EFHD2: variants seen among roughly 807,000 people sequenced by gnomAD.
The protein encoded by EFHD2 is EF-hand domain family member D2.
A neutral mutation model predicts 20.3 loss-of-function variants in EFHD2; 12 were observed. That is an observed-to-expected ratio of 0.59 (90% CI 0.38 to 0.96). The LOEUF (loss-of-function observed/expected upper bound fraction) is 0.96. EFHD2 is among the 40% of genes least tolerant of loss of function. EFHD2 has a pLI of 0.00. For synonymous variants in EFHD2, 131 were observed against 143.9 expected (o/e 0.91, Z 0.64); for missense variants, 250 against 334.3 (o/e 0.75, Z 1.97).
chr1:15,428,544 C>T, intron 3 of EFHD2, 49 bp from the exon 4 acceptor site: 1 of 1,584,556 alleles, frequency 6.3e-7, no homozygotes, highest in Non-Finnish European at 8.6e-7. Flanking sequence ...CAGAGAACCC[C>T]CAACATACAC....
rs117544158 is a variant in EFHD2, at chr1:15,412,383, C to T, written c.308+2104C>T. 2.8e-4 allele frequency among the ~76,000 whole-genome samples: 43 copies of T among 152,278 alleles called. No individual in the cohort carries two copies. In the East Asian group the frequency reaches 7.0e-3, roughly 25 times the overall value. On this transcript the variant is annotated intron_variant, in intron 1 of 3. Coordinates refer to ENST00000375980, the MANE Select transcript of EFHD2 (RefSeq NM_024329.6). ...CCCTGTGACACAGAGCTCTTCGTCACCTTTGTGCAGACAAAGGGTGTTAAA... is the reference window on the plus strand; with the variant it reads ...CCCTGTGACACAGAGCTCTTCGTCATCTTTGTGCAGACAAAGGGTGTTAAA...
intron 1 of EFHD2, among the ~76,000 whole-genome samples, chr1:15,414,054 C>T (rs1177094664): frequency 2.0e-5 from 3 of 152,180 alleles, no homozygotes; most frequent in African/African-American, 4.8e-5. Flanking sequence ...AACAGCCTAG[C>T]GGGGGCTCTG....
chr1:15,409,899 AG>A lies in EFHD2; in HGVS notation c.-72del. The A allele has an allele frequency of 8.4e-7, 1 of 1,186,304 alleles. No homozygotes were observed. The highest frequency in any genetic ancestry group is 1.0e-6 in the Non-Finnish European group (1 of 959,354). The allele number at this position is 1,186,304 out of a possible 1,614,324, so 73.5% of individuals were successfully genotyped here. On this transcript the variant is annotated 5_prime_UTR_variant, in exon 1 of 4. Transcript: ENST00000375980. ...GTGCCTGGCCCGGGGAGTGTCAGGA[AG>A]AGGAAGAGCGCGGCCGGCGGCGCTG... is the stretch of plus-strand genomic sequence containing the variant.
At chr1:15,425,634 G>T (rs546511200) in intron 1 of EFHD2, among the ~76,000 whole-genome samples, 1 of 152,032 alleles carries the variant, frequency 6.6e-6, no homozygotes, top group African/African-American at 2.4e-5. Context: ...AAAAGTTAGC[G>T]CTATTCGACA....
intron 1 of EFHD2, among the ~76,000 whole-genome samples, chr1:15,411,934 C>T (rs2103269127): frequency 6.6e-6 from 1 of 152,254 alleles, no homozygotes; most frequent in South Asian, 2.1e-4. Context: ...CTGCATTTGG[C>T]CCCAAGGCAG....
intron 1 of EFHD2, among the ~76,000 whole-genome samples, chr1:15,414,163 C>T (rs1040585576): frequency 1.3e-5 from 2 of 152,222 alleles, no homozygotes; most frequent in East Asian, 3.8e-4. Flanking sequence ...CCCTGTCTCC[C>T]GCCTAGCACA....
intron 1 of EFHD2, among the ~76,000 whole-genome samples, chr1:15,419,610 C>G (rs1707753800): frequency 6.6e-6 from 1 of 152,244 alleles, no homozygotes; most frequent in Admixed American, 6.5e-5. Context: ...AGTCACTGCC[C>G]ACTGTGGGCC....
Position 15,426,496 on chromosome 1 carries a change from A to G in EFHD2, c.456+478A>G, listed in dbSNP as rs1284266266. Among the ~76,000 whole-genome samples, 1 of 152,096 alleles carries G rather than the reference A, an allele frequency of 6.6e-6. No individual in the cohort carries two copies. On this transcript the variant is annotated intron_variant, in intron 2 of 3. Coordinates refer to ENST00000375980, the MANE Select transcript of EFHD2 (RefSeq NM_024329.6). The surrounding 1 kb of genome is among the most constrained non-coding windows in gnomAD (Gnocchi z 4.6). ...TCGCAGGGAAGGAAATGGAGGCCCA[A>G]GCCAGACAGCGATGATACTGGACCC... is the stretch of plus-strand genomic sequence containing the variant.
chr1:15,427,292 GC>G lies in EFHD2; in HGVS notation c.591+11del, dbSNP rs1410694147. The G allele has an allele frequency of 6.2e-7, 1 of 1,603,108 alleles. No homozygotes were observed. The highest frequency in any genetic ancestry group is 1.3e-5 in the African/African-American group (1 of 74,990). ...AGCTTCTTTGAGGCCAAGGTGAGGAGCCCAAGGGGTGCCCTGACCCACGCTC... is the reference window on the plus strand; with the variant it reads ...AGCTTCTTTGAGGCCAAGGTGAGGAGCCAAGGGGTGCCCTGACCCACGCTC... On this transcript the variant is annotated intron_variant, in intron 3 of 3. Transcript: ENST00000375980.
In EFHD2 at chr1:15,413,192, G is replaced by A. The variant is rs1200539294; in HGVS notation, c.308+2913G>A. On this transcript the variant is annotated intron_variant, in intron 1 of 3. Transcript: ENST00000375980. This position sits in a 1 kb window ranked among gnomAD's most constrained non-coding sequence, Gnocchi z 4.4. ...GCCAGGGCATCAGAGCCAGGGCTCT[G>A]GGGAGAGCAGAGGGCAGAGAGGAGG... Among the ~76,000 whole-genome samples the A allele has an allele frequency of 6.6e-6, 1 of 152,168 alleles. No homozygotes were observed. Among genetic ancestry groups the A allele is most frequent in the African/African-American group, 2.4e-5 (1 of 41,440 alleles).
At chr1:15,418,997 C>T (rs1557499321) in intron 1 of EFHD2, among the ~76,000 whole-genome samples, 1 of 152,278 alleles carries the variant, frequency 6.6e-6, no homozygotes, top group Non-Finnish European at 1.5e-5. Context: ...TGGCACATAG[C>T]AAGTGCTCAG....
rs573694208 is a variant in EFHD2, at chr1:15,428,888, G to A, written c.*164G>A. On this transcript the variant is annotated 3_prime_UTR_variant, in exon 4 of 4. Transcript: ENST00000375980. ...TTCAGGGGTCTTATGGAGGTGGCCC[G>A]GCCCCTCCCCGCTCCCTTCCACTCT... The A allele has an allele frequency of 4.9e-5, 53 of 1,086,042 alleles. No individual in the cohort carries two copies. The highest frequency in any genetic ancestry group is 4.1e-4 in the African/African-American group (26 of 63,064). The allele number at this position is 1,086,042 out of a possible 1,614,324, so 67.3% of individuals were successfully genotyped here.
chr1:15,422,465 A>G (rs1160575007), intron 1 of EFHD2, among the ~76,000 whole-genome samples: 1 of 151,208 alleles, frequency 6.6e-6, no homozygotes, highest in East Asian at 2.0e-4. Context: ...ACCAGATGCC[A>G]CTGGCATCCC....
chr1:15,427,199 G>C lies in EFHD2; in HGVS notation c.506G>C (p.Ser169Thr). Residue 169 changes from serine to threonine, a missense_variant, in exon 3 of 4, where the codon AGC (serine) becomes ACC (threonine). By Grantham distance (58) the Ser-to-Thr change is moderately conservative. This residue lies in a region of EFHD2 where 100 missense variants were observed against 116.2 expected (regional missense o/e 0.86). Transcript: ENST00000375980. ...GCGGCCGGGGAGCTTCAGGAGGACA[G>C]CGGGCTGTGCGTGCTGGCCCGCCTC... is the stretch of plus-strand genomic sequence containing the variant. ...KAAAGELQED[S>T]GLCVLARLSE... 1 of 1,606,306 alleles carries C rather than the reference G, an allele frequency of 6.2e-7. No homozygotes were observed. Among genetic ancestry groups the C allele is most frequent in the Non-Finnish European group, 8.5e-7 (1 of 1,177,036 alleles).
Position 15,429,132 on chromosome 1 carries a change from C to T in EFHD2, c.*408C>T, listed in dbSNP as rs1472123642. ...GAACCCCTGCCCTCCTCCAGCAGGC[C>T]GCACCGCCCCTGGGGCCCCCTGCCA... On this transcript the variant is annotated 3_prime_UTR_variant, in exon 4 of 4. Transcript: ENST00000375980. 6 of 201,566 alleles carry T rather than the reference C, an allele frequency of 3.0e-5. No homozygotes were observed. Among genetic ancestry groups the T allele is most frequent in the Non-Finnish European group, 5.1e-5 (5 of 97,722 alleles). 12.5% of individuals were successfully genotyped at this position (201,566 alleles called of 1,614,324 possible).
chr1:15,424,645 C>T, intron 1 of EFHD2, among the ~76,000 whole-genome samples: 1 of 152,260 alleles, frequency 6.6e-6, no homozygotes. Flanking sequence ...CCACCTGGCC[C>T]TGCCTCCTGC....
In EFHD2 at chr1:15,417,981, CTTTTT is replaced by C. The variant is rs57589251; in HGVS notation, c.308+7724_308+7728del. ...ACGAGGAGCAACTTTCTTTCTTTTT[CTTTTT>C]TTTTTTTTTTTTTTTTTTTTTGAGA... On this transcript the variant is annotated intron_variant, in intron 1 of 3. Transcript: ENST00000375980. Among the ~76,000 whole-genome samples the C allele has an allele frequency of 1.0e-3, 97 of 97,088 alleles. 1 individual carries two copies. The highest frequency in any genetic ancestry group is 3.9e-3 in the African/African-American group (93 of 23,862). The allele number at this position is 97,088 out of a possible 152,430, so 63.7% of individuals were successfully genotyped here.
chr1:15,412,048 ACC>A, intron 1 of EFHD2, among the ~76,000 whole-genome samples: 1 of 151,888 alleles, frequency 6.6e-6, no homozygotes, highest in East Asian at 1.9e-4. Context: ...GCCCCTCTGA[ACC>A]TCTTTGAGAA....
Position 15,428,746 on chromosome 1 carries a change from C to T in EFHD2, c.*22C>T, listed in dbSNP as rs779295363. 1 of 1,561,992 alleles carries T rather than the reference C, an allele frequency of 6.4e-7. No individual in the cohort carries two copies. The highest frequency in any genetic ancestry group is 2.4e-5 in the East Asian group (1 of 41,764). ...GTAGCGGGGGCTGCAGCCGACCGCC[C>T]TGCTCCGGCCCCAGTGTGGTGGGCG... On this transcript the variant is annotated 3_prime_UTR_variant, in exon 4 of 4. Coordinates refer to ENST00000375980, the MANE Select transcript of EFHD2 (RefSeq NM_024329.6).
Sources: gnomAD v4.1 joint callset for allele counts (sites outside exome capture counted in the v4.1 genomes callset) on GRCh38, gnomAD v4.1.1 for gene constraint, gnomAD v4.1.1 regional missense constraint, Gnocchi (gnomAD v3.1) non-coding constraint, MANE v1.5 for transcripts, NCBI Gene and HGNC (gene_info 2026-07-23, HGNC 2026-07-21) for gene names.